SLC2A9: variants seen among roughly 807,000 people sequenced by gnomAD.
The protein encoded by SLC2A9 is solute carrier family 2, facilitated glucose transporter member 9.
A neutral mutation model predicts 50.6 loss-of-function variants in SLC2A9; 39 were observed. The ratio of observed to expected loss-of-function variants is 0.77; its 90% CI spans 0.60 to 1.01. SLC2A9 has a LOEUF of 1.01. Ranked by LOEUF, SLC2A9 falls within the 50% of genes least tolerant of loss-of-function variation. SLC2A9 has a pLI of 0.00. For synonymous variants in SLC2A9, 324 were observed against 276.9 expected, an observed-to-expected ratio of 1.17 and a Z score of -1.69; for missense variants, 686 against 677.6, an observed-to-expected ratio of 1.01 and a Z score of -0.14.
intron 6 of SLC2A9, among the ~76,000 whole-genome samples, chr4:9,925,902 G>A (rs1744805883): frequency 6.6e-6 from 1 of 152,134 alleles, no homozygotes; most frequent in African/African-American, 2.4e-5. Flanking sequence ...TCCGGGCATG[G>A]TGTGATTTTC....
At chr4:9,807,765 TTGGCCAGCTGTCAGTGG>T (rs1192271195) in intron 3 of SLC2A9, among the ~76,000 whole-genome samples, 1 of 152,218 alleles carries the variant, frequency 6.6e-6, no homozygotes, top group Non-Finnish European at 1.5e-5. Flanking sequence ...TCCCAAATCC[TTGGCCAGCTGTCAGTGG>T]CCAAGGACGG....
At chr4:9,906,235 A>C (rs190618674) in intron 8 of SLC2A9, among the ~76,000 whole-genome samples, 4 of 152,282 alleles carry the variant, frequency 2.6e-5, no homozygotes, top group African/African-American at 9.6e-5. Flanking sequence ...GCGGCTAATA[A>C]AAAGACACAG....
chr4:9,783,237 A>T, intron 3 of SLC2A9: 1 of 1,614,240 alleles, frequency 6.2e-7, no homozygotes, highest in Non-Finnish European at 8.5e-7. Flanking sequence ...ATCGTCTTCC[A>T]CAAGGAAATC....
chr4:9,844,603 C>G (rs1460999455), intron 10 of SLC2A9, among the ~76,000 whole-genome samples: 1 of 152,236 alleles, frequency 6.6e-6, no homozygotes, highest in Non-Finnish European at 1.5e-5. Context: ...TGAAAACTGA[C>G]TTTTCCTCCA....
intron 3 of SLC2A9, among the ~76,000 whole-genome samples, chr4:9,800,418 G>C (rs1721238256): frequency 6.6e-6 from 1 of 152,180 alleles, no homozygotes; most frequent in Admixed American, 6.5e-5. Context: ...ATCAAAAGAG[G>C]AAATTTGGAC....
intron 3 of SLC2A9, chr4:9,782,425 C>G: frequency 6.2e-7 from 1 of 1,614,012 alleles, no homozygotes; most frequent in South Asian, 1.1e-5. Context: ...TGAACCTGTG[C>G]GTCATCAGCG....
At chr4:9,819,066 C>A (rs559819569) in intron 3 of SLC2A9, among the ~76,000 whole-genome samples, 2 of 142,454 alleles carry the variant, frequency 1.4e-5, no homozygotes, top group East Asian at 4.1e-4. Flanking sequence ...TGGCAGTGAG[C>A]CAAGATTGCA....
At chr4:10,035,429 T>C (rs970304218) in intron 1 of SLC2A9, 2 of 152,244 alleles carry the variant, frequency 1.3e-5, no homozygotes, top group African/African-American at 4.8e-5. Context: ...CTCCTCTCAA[T>C]GCTGGTTGCT....
chr4:9,877,808 T>C (rs1734542179), intron 10 of SLC2A9, among the ~76,000 whole-genome samples: 1 of 152,220 alleles, frequency 6.6e-6, no homozygotes, highest in Admixed American at 6.5e-5. Flanking sequence ...CATCTTCCTG[T>C]CCCAGGCTCT....
At chr4:9,847,290 T>C (rs567396005) in intron 10 of SLC2A9, among the ~76,000 whole-genome samples, 1 of 152,332 alleles carries the variant, frequency 6.6e-6, no homozygotes, top group South Asian at 2.1e-4. Context: ...TATCTTACTG[T>C]GGTGGAGCAG....
At chr4:9,860,035 G>A (rs1011701678) in intron 10 of SLC2A9, among the ~76,000 whole-genome samples, 6 of 152,114 alleles carry the variant, frequency 3.9e-5, no homozygotes, top group Non-Finnish European at 7.4e-5. Context: ...CCACAGCCTG[G>A]CTTCTTCCTG....
intron 1 of SLC2A9, chr4:10,019,404 C>G (rs562217933): frequency 9.6e-6 from 4 of 414,882 alleles, no homozygotes; most frequent in Non-Finnish European, 1.8e-5. Context: ...GAGTGTCCGA[C>G]CCAGACAGAA....
intron 3 of SLC2A9, among the ~76,000 whole-genome samples, chr4:9,801,785 G>A (rs1259488522): frequency 6.6e-6 from 1 of 152,140 alleles, no homozygotes; most frequent in East Asian, 1.9e-4. Context: ...AGTTATCTAA[G>A]TTGTAACATG....
At chr4:9,802,890 T>A (rs1475410493) in intron 3 of SLC2A9, among the ~76,000 whole-genome samples, 2 of 152,166 alleles carry the variant, frequency 1.3e-5, no homozygotes, top group East Asian at 3.9e-4. Context: ...AATCCTGCCT[T>A]ATCCAGGAAT....
At chr4:9,986,518 G>A (rs1193851057) in intron 3 of SLC2A9, among the ~76,000 whole-genome samples, 2 of 152,338 alleles carry the variant, frequency 1.3e-5, no homozygotes, top group Non-Finnish European at 2.9e-5. Flanking sequence ...AGAGAGCCCA[G>A]AAGGGTAAGT....
chr4:9,987,333 T>C (rs975699741), intron 3 of SLC2A9, among the ~76,000 whole-genome samples: 1 of 152,142 alleles, frequency 6.6e-6, no homozygotes, highest in African/African-American at 2.4e-5. Flanking sequence ...TTGGCCAGGA[T>C]GGTCTCAAAC....
chr4:9,850,121 G>A (rs1011410891), intron 10 of SLC2A9, among the ~76,000 whole-genome samples: 5 of 152,066 alleles, frequency 3.3e-5, no homozygotes, highest in Admixed American at 1.3e-4. Context: ...AACCCTGCAC[G>A]GGGCTGCTGA....
chr4:9,783,270 T>C, intron 3 of SLC2A9: 1 of 1,614,180 alleles, frequency 6.2e-7, no homozygotes, highest in Non-Finnish European at 8.5e-7. Context: ...ATCCACATGA[T>C]GCCCAACGCC....
downstream of SLC2A9, among the ~76,000 whole-genome samples, chr4:9,794,764 A>T (rs1720380569): frequency 6.6e-6 from 1 of 152,154 alleles, no homozygotes; most frequent in Non-Finnish European, 1.5e-5. Context: ...GCTTCTGAGG[A>T]TCCCTCAGCA....
Sources: gnomAD v4.1 joint callset for allele counts (sites outside exome capture counted in the v4.1 genomes callset) on GRCh38, gnomAD v4.1.1 for gene constraint, MANE v1.5 for transcripts, NCBI Gene and HGNC (gene_info 2026-07-23, HGNC 2026-07-21) for gene names.